LGALS3: variants seen among roughly 807,000 people sequenced by gnomAD.
LGALS3 encodes the protein galectin-3.
Under a neutral mutation model 20.7 loss-of-function variants are expected in LGALS3, and 18 were observed. The observed-to-expected ratio is 0.87, with a 90% confidence interval of 0.60 to 1.29. The LOEUF (loss-of-function observed/expected upper bound fraction) is 1.29. Among genes scored for constraint, LGALS3 ranks in the 50% most tolerant of loss-of-function variants. The pLI is 0.00. For missense variants in LGALS3, 315 were observed against 314.7 expected (o/e 1.00, Z -0.01); for synonymous variants, 112 against 119.6 (o/e 0.94, Z 0.42).
At chr14:55,139,163 TG>T (rs1881528885) in intron 3 of LGALS3, among the ~76,000 whole-genome samples, 1 of 152,048 alleles carries the variant, frequency 6.6e-6, no homozygotes, top group African/African-American at 2.4e-5. Context: ...GTTAGTCAGT[TG>T]CAGAGAGAGG....
chr14:55,132,054 A>C (rs1217792922), intron 1 of LGALS3, among the ~76,000 whole-genome samples: 6 of 152,240 alleles, frequency 3.9e-5, no homozygotes, highest in Non-Finnish European at 8.8e-5. Flanking sequence ...ATGAGCAGAC[A>C]TTTCAGAAGT....
At chr14:55,133,857 G>A (rs1265582635) in intron 1 of LGALS3, among the ~76,000 whole-genome samples, 1 of 152,158 alleles carries the variant, frequency 6.6e-6, no homozygotes, top group South Asian at 2.1e-4. Context: ...GTTGGAATCA[G>A]CCTTTAAACA....
intron 5 of LGALS3, chr14:55,143,512 C>T (rs1232434021): frequency 3.3e-6 from 1 of 300,316 alleles, no homozygotes; most frequent in Non-Finnish European, 6.7e-6. Context: ...ACCTCCGCCT[C>T]CTGGGTTCAA....
Position 55,145,352 on chromosome 14 carries a change from T to C in LGALS3, c.*81T>C, listed in dbSNP as rs774304194. The C allele has an allele frequency of 6.3e-7, 1 of 1,592,674 alleles. No individual in the cohort carries two copies. The highest frequency in any genetic ancestry group is 1.1e-5 in the South Asian group (1 of 89,824). ...GTTTCATGTTCACTGTGAGTGAAAA[T>C]TTTTACATTCATCAATATCCCTCTT... On this transcript the variant is annotated 3_prime_UTR_variant, in exon 6 of 6. Coordinates refer to ENST00000254301, the MANE Select transcript of LGALS3 (RefSeq NM_002306.4).
chr14:55,130,464 C>A lies in LGALS3; in HGVS notation c.-5+1164C>A, dbSNP rs149206631. On this transcript the variant is annotated intron_variant, in intron 1 of 5. Transcript: ENST00000254301. ...GAAATGGGAGAAGGCTCAGTTAATT[C>A]TGAAGAAAATGAGACTGATACAATT... is the stretch of plus-strand genomic sequence containing the variant. Among the ~76,000 whole-genome samples the A allele has an allele frequency of 2.2e-3, 334 of 152,050 alleles. 1 individual carries two copies. The highest frequency in any genetic ancestry group is 3.7e-3 in the Non-Finnish European group (255 of 68,016).
chr14:55,144,275 G>A lies in LGALS3; in HGVS notation c.598-841G>A, dbSNP rs546639901. 3.3e-5 allele frequency among the ~76,000 whole-genome samples: 5 copies of A among 152,124 alleles called. No homozygotes were observed. The South Asian group carries it at 6.2e-4, about 19-fold the overall frequency. On this transcript the variant is annotated intron_variant, in intron 5 of 5. Transcript: ENST00000254301. ...CTCCCACTTGAGCCTCCTTAGTAGC[G>A]GAGACCACAGATGTATGCCACCCAC...
chr14:55,142,372 G>T (rs1035533370), intron 4 of LGALS3, among the ~76,000 whole-genome samples: 16 of 152,272 alleles, frequency 1.1e-4, no homozygotes, highest in African/African-American at 3.8e-4. Flanking sequence ...CTATTGTCTT[G>T]CTTACCTTTA....
intron 1 of LGALS3, among the ~76,000 whole-genome samples, chr14:55,136,371 C>T (rs1881394875): frequency 6.6e-6 from 1 of 151,838 alleles, no homozygotes; most frequent in South Asian, 2.1e-4. Context: ...CCAACAGCAC[C>T]TTTCCTTTCC....
chr14:55,137,581 C>A, intron 2 of LGALS3, 190 bp downstream of exon 2: 1 of 1,496,436 alleles, frequency 6.7e-7, no homozygotes, highest in Non-Finnish European at 8.8e-7. Flanking sequence ...GAAAGCCAGG[C>A]AGAGCGAGGC....
At chr14:55,140,826 T>C (rs751490743) in intron 4 of LGALS3, among the ~76,000 whole-genome samples, 43 of 152,076 alleles carry the variant, frequency 2.8e-4, no homozygotes, top group Non-Finnish European at 4.9e-4. Flanking sequence ...ACCTTTACTA[T>C]TGGAAGTAGT....
chr14:55,140,998 C>A (rs1011824167), intron 4 of LGALS3, among the ~76,000 whole-genome samples: 3 of 152,138 alleles, frequency 2.0e-5, no homozygotes, highest in African/African-American at 4.8e-5. Context: ...ATCTGAGATG[C>A]CTGCCCCTAA....
At chr14:55,131,031 A>T (rs1461485055) in intron 1 of LGALS3, among the ~76,000 whole-genome samples, 2 of 152,190 alleles carry the variant, frequency 1.3e-5, no homozygotes, top group Non-Finnish European at 2.9e-5. Flanking sequence ...AGATGATCAT[A>T]CCCCATCCTT....
At chr14:55,135,880 A>C (rs1220479148) in intron 1 of LGALS3, among the ~76,000 whole-genome samples, 1 of 152,192 alleles carries the variant, frequency 6.6e-6, no homozygotes, top group East Asian at 1.9e-4. Flanking sequence ...CTTGCATTTG[A>C]ATCAAGTAGT....
chr14:55,134,342 G>A (rs1881317703), intron 1 of LGALS3, among the ~76,000 whole-genome samples: 2 of 152,238 alleles, frequency 1.3e-5, no homozygotes, highest in Admixed American at 6.5e-5. Flanking sequence ...GACCTGAAGT[G>A]TCAGTGGTGC....
chr14:55,138,265 C>G lies in LGALS3; in HGVS notation c.239C>G (p.Pro80Arg). ...GGAGCACCTGCACCTGGAGTCTACC[C>G]AGGGCCACCCAGCGGCCCTGGGGCC... ...YPGAPAPGVY[P>R]GPPSGPGAYP... Residue 80 changes from proline (P) to arginine (R), a missense_variant, in exon 3 of 6, where the codon CCA (proline) becomes CGA (arginine). Transcript: ENST00000254301. The G allele has an allele frequency of 6.2e-7, 1 of 1,612,980 alleles. No individual in the cohort carries two copies. The highest frequency in any genetic ancestry group is 8.5e-7 in the Non-Finnish European group (1 of 1,179,858).
chr14:55,141,803 C>T (rs1290636827), intron 4 of LGALS3, among the ~76,000 whole-genome samples: 1 of 152,184 alleles, frequency 6.6e-6, no homozygotes, highest in Non-Finnish European at 1.5e-5. Context: ...TCAAAATACA[C>T]AGACAATCTT....
rs1169541072 is a variant in LGALS3 at position 55,129,647 on chromosome 14, A to G, written c.-5+347A>G. On this transcript the variant is annotated intron_variant, in intron 1 of 5. Transcript: ENST00000254301. This position sits in a 1 kb window ranked among gnomAD's most constrained non-coding sequence, Gnocchi z 5.3. ...CGCCGCCTGCGCTCTGCGGCCCCAG[A>G]GTAAGCCCCATCCGGTGACGAGCCG... Among the ~76,000 whole-genome samples, 1 of 152,142 alleles carries G rather than the reference A, an allele frequency of 6.6e-6. No individual in the cohort carries two copies. The highest frequency in any genetic ancestry group is 1.5e-5 in the Non-Finnish European group (1 of 68,020).
chr14:55,140,558 T>G, intron 4 of LGALS3, 195 bp downstream of exon 4: 1 of 486,116 alleles, frequency 2.1e-6, no homozygotes, highest in Non-Finnish European at 3.7e-6. Context: ...TATTCCCATA[T>G]AATTTTGCTA....
intron 4 of LGALS3, among the ~76,000 whole-genome samples, chr14:55,142,211 G>A (rs1006374112): frequency 6.6e-5 from 10 of 152,164 alleles, no homozygotes; most frequent in African/African-American, 1.9e-4. Flanking sequence ...GAGCAGGAAA[G>A]AGATAACCAT....
Sources: allele counts gnomAD v4.1 joint callset (sites outside exome capture counted in the v4.1 genomes callset), GRCh38; gene constraint gnomAD v4.1.1; non-coding constraint Gnocchi (gnomAD v3.1); transcripts MANE v1.5; gene names NCBI Gene and HGNC (gene_info 2026-07-23, HGNC 2026-07-21).